RBM4: variants seen among roughly 807,000 people sequenced by gnomAD.
RBM4 encodes the protein RNA-binding protein 4.
In RBM4, 7 loss-of-function variants were observed where a neutral mutation model predicts 29.5. The observed-to-expected ratio is 0.24, with a 90% CI of 0.14 to 0.45. The LOEUF (loss-of-function observed/expected upper bound fraction) is 0.45, where lower values mean the gene tolerates loss of function less well. Among genes scored for constraint, RBM4 ranks in the 20% least tolerant of loss-of-function variants. The pLI is 1.00. For synonymous variants in RBM4, 220 were observed against 205.4 expected (o/e 1.07, Z -0.61); for missense variants, 387 against 502.3 (o/e 0.77, Z 2.19).
intron 2 of RBM4, among the ~76,000 whole-genome samples, chr11:66,660,888 C>T (rs1939069807): frequency 6.6e-6 from 1 of 151,620 alleles, no homozygotes; most frequent in Non-Finnish European, 1.5e-5. Flanking sequence ...ATCTCCTGAC[C>T]TCGTGATCCA....
At chr11:66,647,986 C>T (rs1340319125), downstream of RBM4, among the ~76,000 whole-genome samples, 2 of 152,132 alleles carry the variant, frequency 1.3e-5, no homozygotes, top group East Asian at 1.9e-4. Flanking sequence ...GGGTGGATCA[C>T]GAGGTCAGGA....
chr11:66,656,208 C>T (rs1225265853), intron 2 of RBM4, among the ~76,000 whole-genome samples: 1 of 151,902 alleles, frequency 6.6e-6, no homozygotes, highest in African/African-American at 2.4e-5. Flanking sequence ...ACAATCTCAG[C>T]TCACTGCAAG....
At chr11:66,640,417 T>G in intron 2 of RBM4, 1 of 525,472 alleles carries the variant, frequency 1.9e-6, no homozygotes, top group Non-Finnish European at 3.3e-6. Flanking sequence ...TACTGGGCCT[T>G]TTTTATTTTT....
At chr11:66,664,900 TA>T (rs1939169132) in intron 2 of RBM4, 1 of 152,304 alleles carries the variant, frequency 6.6e-6, no homozygotes, top group Admixed American at 6.5e-5. Context: ...TGCCTGGGCT[TA>T]AATCCTTCCT....
intron 2 of RBM4, among the ~76,000 whole-genome samples, chr11:66,651,880 T>C (rs1483539383): frequency 2.0e-5 from 3 of 151,896 alleles, no homozygotes; most frequent in Non-Finnish European, 4.4e-5. Flanking sequence ...TGATGAGGGC[T>C]CTGTTCTATG....
downstream of RBM4, among the ~76,000 whole-genome samples, chr11:66,650,415 C>G (rs558451081): frequency 2.0e-5 from 3 of 151,900 alleles, no homozygotes; most frequent in South Asian, 6.2e-4. Flanking sequence ...ACTAAAAACA[C>G]AAAAAATTAG....
At chr11:66,649,972 G>C, downstream of RBM4, 1 of 515,632 alleles carries the variant, frequency 1.9e-6, no homozygotes, top group Non-Finnish European at 3.4e-6. Context: ...TGTCTAGCTG[G>C]CTTTGTATTT....
Position 66,646,116 on chromosome 11 carries a change from CTG to C in RBM4, c.*101_*102del. 6.5e-7 allele frequency: 1 copy of C among 1,534,894 alleles called. No individual in the cohort carries two copies. The highest frequency in any genetic ancestry group is 8.7e-7 in the Non-Finnish European group (1 of 1,146,738). ...CCCCATCTCCGGGACGTTCTCGGCTCTGTGCGTTCAGTCCCTCAGGAACCGTG... is the reference window on the plus strand; with the variant it reads ...CCCCATCTCCGGGACGTTCTCGGCTCTGCGTTCAGTCCCTCAGGAACCGTG... On this transcript the variant is annotated 3_prime_UTR_variant, in exon 4 of 4. Coordinates refer to ENST00000310092, the MANE Select transcript of RBM4 (RefSeq NM_002896.4).
Position 66,643,580 on chromosome 11 carries a change from C to A in RBM4, c.543C>A (p.Gly181=). The change falls in exon 3 of 4, where the codon GGC becomes GGA. Residue 181 remains glycine (G), a synonymous_variant. Transcript: ENST00000310092. The surrounding 1 kb of genome is among the most constrained non-coding windows in gnomAD (Gnocchi z 6.1). The part of the protein sequence containing the change: ...WSKECPIDRS[G]RVADLTEQYN... ...AAGAGTGTCCGATAGATCGTTCAGGCCGCGTGGCAGACTTGACCGAGCAAT... is the reference window on the plus strand; with the variant it reads ...AAGAGTGTCCGATAGATCGTTCAGGACGCGTGGCAGACTTGACCGAGCAAT... 6.2e-7 allele frequency: 1 copy of A among 1,614,120 alleles called. No homozygotes were observed. Among genetic ancestry groups the A allele is most frequent in the Non-Finnish European group, 8.5e-7 (1 of 1,180,016 alleles).
chr11:66,663,609 A>G (rs886105683), intron 2 of RBM4, among the ~76,000 whole-genome samples: 3 of 152,118 alleles, frequency 2.0e-5, no homozygotes, highest in Non-Finnish European at 4.4e-5. Flanking sequence ...GATTACAGGC[A>G]TGAGCCACTG....
intron 1 of RBM4, 58 bp from the exon 2 acceptor site, chr11:66,639,640 CTT>C (rs1271505629): frequency 1.3e-6 from 2 of 1,561,404 alleles, no homozygotes; most frequent in Non-Finnish European, 1.7e-6. Flanking sequence ...AAGTCGTTGT[CTT>C]TTGTGAACGG....
At chr11:66,652,878 A>T (rs373996721) in intron 2 of RBM4, among the ~76,000 whole-genome samples, 1 of 152,198 alleles carries the variant, frequency 6.6e-6, no homozygotes, top group South Asian at 2.1e-4. Context: ...CAAAACAGGG[A>T]TGGTGCTTCC....
chr11:66,650,719 C>T (rs567305203), downstream of RBM4, among the ~76,000 whole-genome samples: 20 of 151,374 alleles, frequency 1.3e-4, no homozygotes, highest in Admixed American at 4.6e-4. Flanking sequence ...AAAAGTTAGC[C>T]GGGCGTGGTG....
At chr11:66,655,332 C>T (rs564779547) in intron 2 of RBM4, among the ~76,000 whole-genome samples, 3 of 151,786 alleles carry the variant, frequency 2.0e-5, no homozygotes, top group South Asian at 2.1e-4. Flanking sequence ...CTCTGTCACC[C>T]AGACTGCAGT....
At chr11:66,658,027 A>T (rs1425576611) in intron 2 of RBM4, among the ~76,000 whole-genome samples, 1 of 149,686 alleles carries the variant, frequency 6.7e-6, no homozygotes, top group Non-Finnish European at 1.5e-5. Context: ...ACCCTTTTTT[A>T]AAATTTTTTT....
At chr11:66,649,623 A>G (rs76401557), downstream of RBM4, 1,774 of 618,800 alleles carry the variant, frequency 2.9e-3, 34 homozygotes, top group East Asian at 0.041. Flanking sequence ...TTATGCTTCC[A>G]ATCAAGTGTA....
chr11:66,639,539 C>A, intron 1 of RBM4, 161 bp from the exon 2 acceptor site: 1 of 893,566 alleles, frequency 1.1e-6, no homozygotes, highest in Non-Finnish European at 1.7e-6. Flanking sequence ...CTATAGCAGG[C>A]CTTAGTTCAC....
chr11:66,648,903 C>G (rs993573635), downstream of RBM4, among the ~76,000 whole-genome samples: 7 of 150,960 alleles, frequency 4.6e-5, no homozygotes, highest in Non-Finnish European at 1.0e-4. Context: ...CTGTAACAGA[C>G]AATGTAAGAG....
exon 3 of RBM4, chr11:66,666,019 C>G: frequency 7.2e-7 from 1 of 1,392,646 alleles, no homozygotes; most frequent in Non-Finnish European, 9.7e-7. Context: ...TTTAATCTTT[C>G]ACAGTAAACA....
Sources: allele counts gnomAD v4.1 joint callset (sites outside exome capture counted in the v4.1 genomes callset), GRCh38; gene constraint gnomAD v4.1.1; non-coding constraint Gnocchi (gnomAD v3.1); transcripts MANE v1.5; gene names NCBI Gene and HGNC (gene_info 2026-07-23, HGNC 2026-07-21).